The following KLRG2 variants were observed in gnomAD, a reference collection of about 807,000 sequenced individuals.
The protein encoded by KLRG2 is killer cell lectin like receptor G2, also known as killer cell lectin-like receptor subfamily G member 2.
A neutral mutation model predicts 35.4 loss-of-function variants in KLRG2; 39 were observed. The observed-to-expected ratio is 1.10, with a 90% confidence interval of 0.85 to 1.44. The LOEUF (loss-of-function observed/expected upper bound fraction) is 1.44. KLRG2 is among the 40% of genes most tolerant of loss of function. The probability of loss-of-function intolerance (pLI) is 0.00; values close to 1 mark genes in which losing one functional copy is unlikely to be tolerated. For synonymous variants in KLRG2, 283 were observed against 265.8 expected (o/e 1.06, Z -0.63); for missense variants, 632 against 570.9 (o/e 1.11, Z -1.09).
downstream of KLRG2, among the ~76,000 whole-genome samples, chr7:139,450,280 G>C (rs1414388435): frequency 2.0e-5 from 3 of 151,864 alleles, no homozygotes; most frequent in Non-Finnish European, 2.9e-5. Context: ...CTGGAGTGCA[G>C]TGGCGCGATC....
chr7:139,470,304 C>T (rs901293024), intron 3 of KLRG2, among the ~76,000 whole-genome samples: 5 of 152,006 alleles, frequency 3.3e-5, no homozygotes, highest in Non-Finnish European at 7.4e-5. Context: ...GTGATCTGCC[C>T]GCCTCAGCCT....
At chr7:139,434,848 C>G in the KLRG2 span, among the ~76,000 whole-genome samples, 1 of 152,112 alleles carries the variant, frequency 6.6e-6, no homozygotes, top group Non-Finnish European at 1.5e-5. Flanking sequence ...GCTGTGTGCC[C>G]TTGGGAAGCG....
chr7:139,482,743 C>G (rs978427029), intron 1 of KLRG2, 143 bp downstream of exon 1: 3 of 599,066 alleles, frequency 5.0e-6, no homozygotes, highest in Non-Finnish European at 7.7e-6. Context: ...CCCGAGAGGC[C>G]AGATCGGGTT....
intron 1 of KLRG2, among the ~76,000 whole-genome samples, chr7:139,481,563 G>C (rs1028779132): frequency 1.3e-5 from 2 of 152,114 alleles, no homozygotes; most frequent in African/African-American, 2.4e-5. Flanking sequence ...CCTCCTGGCC[G>C]TTGCTCCTTC....
At chr7:139,480,051 T>C in intron 2 of KLRG2, 95 bp downstream of exon 2, 2 of 910,272 alleles carry the variant, frequency 2.2e-6, no homozygotes, top group Non-Finnish European at 3.6e-6. Flanking sequence ...TCTCCCAGTG[T>C]CTCTTTCTAA....
chr7:139,436,083 A>C, the KLRG2 span, among the ~76,000 whole-genome samples: 2 of 151,872 alleles, frequency 1.3e-5, no homozygotes, highest in Non-Finnish European at 2.9e-5. Context: ...TGTATTTTTT[A>C]GTAGAGACAG....
the KLRG2 span, among the ~76,000 whole-genome samples, chr7:139,437,237 G>A: frequency 6.6e-6 from 1 of 151,956 alleles, no homozygotes; most frequent in Non-Finnish European, 1.5e-5. Context: ...GACCAGCCTG[G>A]CCAACATGGC....
rs180724721 is a variant in KLRG2, at chr7:139,453,176, C to T, written c.*411G>A. The T allele has an allele frequency of 3.1e-6, 1 of 323,694 alleles. No individual in the cohort carries two copies. The highest frequency in any genetic ancestry group is 2.2e-5 in the African/African-American group (1 of 46,402). The allele number at this position is 323,694 out of a possible 1,614,324, so 20.1% of individuals were successfully genotyped here. A position where few individuals can be genotyped will look rare whatever the true frequency, so the allele number is the denominator to read the frequency against. On this transcript the variant is annotated 3_prime_UTR_variant, in exon 5 of 5. Coordinates refer to ENST00000340940, the MANE Select transcript of KLRG2 (RefSeq NM_198508.4). ...ATGACGTTATCCCTGCCAAGTCCCA[C>T]TGCCACTGAACAACGGCAGACTCAT...
At chr7:139,427,998 C>G in the KLRG2 span, among the ~76,000 whole-genome samples, 1 of 152,106 alleles carries the variant, frequency 6.6e-6, no homozygotes, top group Non-Finnish European at 1.5e-5. Context: ...CTTTTTGATT[C>G]TAAGTGAAAG....
chr7:139,474,627 G>A (rs1047504657), intron 3 of KLRG2, among the ~76,000 whole-genome samples: 2 of 152,070 alleles, frequency 1.3e-5, no homozygotes, highest in Non-Finnish European at 2.9e-5. Context: ...TGGGCATGTT[G>A]GCACACGCCT....
In KLRG2 at chr7:139,483,600, C is replaced by G; in HGVS notation, c.43G>C (p.Ala15Pro). 1 of 1,588,464 alleles carries G rather than the reference C, an allele frequency of 6.3e-7. No individual in the cohort carries two copies. The highest frequency in any genetic ancestry group is 1.1e-5 in the South Asian group (1 of 89,060). The change falls in exon 1 of 5, where the codon GCA (alanine) becomes CCA (proline). Residue 15 changes from alanine to proline, a missense_variant. Ala to Pro is a conservative substitution (Grantham distance 27). Transcript: ENST00000340940. ...WEAAPGGQAGAELPMEPVGSL... is the reference protein window; with the variant it reads ...WEAAPGGQAGPELPMEPVGSL... ...CCCACGGGCTCCATTGGGAGCTCTG[C>G]CCCGGCTTGGCCTCCGGGCGCAGCC...
In KLRG2 at chr7:139,483,374, C is replaced by A. The variant is rs753007839; in HGVS notation, c.269G>T (p.Cys90Phe). ...AGGGCCCGGTGACGGCGGCTCGGGGCAGACCCCGTAGCCCAGGCTGAGCGG... is the reference window on the plus strand; with the variant it reads ...AGGGCCCGGTGACGGCGGCTCGGGGAAGACCCCGTAGCCCAGGCTGAGCGG... ...VPPLSLGYGV[C>F]PEPPSPGPAL... is the part of the protein sequence containing the mutation. The change falls in exon 1 of 5, where the codon TGC becomes TTC. Residue 90 changes from cysteine (C) to phenylalanine (F), a missense_variant. Physicochemically the swap from Cys to Phe is radical, Grantham distance 205 (BLOSUM62 -2). Transcript: ENST00000340940. The A allele has an allele frequency of 6.5e-7, 1 of 1,540,316 alleles. No homozygotes were observed. The highest frequency in any genetic ancestry group is 2.5e-5 in the East Asian group (1 of 40,048).
At chr7:139,468,458 G>T (rs965713468) in intron 3 of KLRG2, among the ~76,000 whole-genome samples, 1 of 151,980 alleles carries the variant, frequency 6.6e-6, no homozygotes, top group Non-Finnish European at 1.5e-5. Flanking sequence ...TGTGACCCTT[G>T]CCCCTGCCTG....
At chr7:139,443,291 C>A in the KLRG2 span, among the ~76,000 whole-genome samples, 1 of 151,440 alleles carries the variant, frequency 6.6e-6, no homozygotes, top group Non-Finnish European at 1.5e-5. Flanking sequence ...TCACCATGTC[C>A]GCCAGGCTGG....
chr7:139,463,462 G>A (rs949327845), intron 3 of KLRG2, among the ~76,000 whole-genome samples: 3 of 152,132 alleles, frequency 2.0e-5, no homozygotes, highest in South Asian at 2.1e-4. Context: ...AAACCCAGCC[G>A]CACCTCCAGC....
the KLRG2 span, among the ~76,000 whole-genome samples, chr7:139,445,773 A>ATATATGTGTG: frequency 2.0e-4 from 19 of 94,232 alleles, no homozygotes; most frequent in African/African-American, 1.2e-3. Context: ...GTATGTATAT[A>ATATATGTGTG]TATATATGTA....
chr7:139,460,141 C>T (rs1168876365), intron 3 of KLRG2, among the ~76,000 whole-genome samples: 1 of 152,148 alleles, frequency 6.6e-6, no homozygotes, highest in Non-Finnish European at 1.5e-5. Flanking sequence ...CCGCCTTGGC[C>T]CCCCAAAGTG....
At chr7:139,458,379 CA>C (rs966811238) in intron 3 of KLRG2, among the ~76,000 whole-genome samples, 86 of 134,918 alleles carry the variant, frequency 6.4e-4, no homozygotes, top group Admixed American at 4.5e-4. Context: ...GATCCTGTCT[CA>C]AAAAAAAAAA....
the KLRG2 span, among the ~76,000 whole-genome samples, chr7:139,439,396 G>T: frequency 2.0e-5 from 3 of 152,306 alleles, no homozygotes; most frequent in East Asian, 5.8e-4. Context: ...GGAGCTTTCT[G>T]GGGGGCTGTC....
Sources: allele counts gnomAD v4.1 joint callset (sites outside exome capture counted in the v4.1 genomes callset), GRCh38; gene constraint gnomAD v4.1.1; transcripts MANE v1.5; gene names NCBI Gene and HGNC (gene_info 2026-07-23, HGNC 2026-07-21).